Variants in FAT3 observed in about 807,000 individuals in gnomAD.
The protein encoded by FAT3 is FAT atypical cadherin 3.
A neutral mutation model predicts 310.2 loss-of-function variants in FAT3; 95 were observed. The ratio of observed to expected loss-of-function variants is 0.31; its 90% confidence interval spans 0.26 to 0.36. The LOEUF is 0.36. FAT3 is among the 10% of genes least tolerant of loss of function. FAT3 has a pLI of 1.00. For synonymous variants in FAT3, 2,314 were observed against 2,192.9 expected (o/e 1.06, Z -1.54); for missense variants, 5,408 against 5,715.6 (o/e 0.95, Z 1.74).
intron 2 of FAT3, among the ~76,000 whole-genome samples, chr11:92,465,165 A>G (rs1407055504): frequency 3.9e-5 from 6 of 152,188 alleles, no homozygotes; most frequent in South Asian, 4.1e-4. Flanking sequence ...TACTGTGGAC[A>G]GGAGAAAGGT....
At chr11:92,851,444 T>C (rs1948827067) in intron 19 of FAT3, among the ~76,000 whole-genome samples, 1 of 152,076 alleles carries the variant, frequency 6.6e-6, no homozygotes, top group African/African-American at 2.4e-5. Flanking sequence ...GACAAGTGAG[T>C]AGTTCAAGGC....
chr11:92,584,485 C>G (rs577629545), intron 3 of FAT3, among the ~76,000 whole-genome samples: 117 of 152,044 alleles, frequency 7.7e-4, no homozygotes, highest in Middle Eastern at 6.8e-3. Context: ...TTTTTCCCCC[C>G]CTTTTCATCT....
At position 92,806,373 on chromosome 11, in the gene FAT3, A is replaced by G. The variant is rs1947507040; in HGVS notation, c.9105A>G (p.Thr3035=). 2.0e-5 allele frequency: 32 copies of G among 1,599,698 alleles called. No homozygotes were observed. Among genetic ancestry groups the G allele is most frequent in the African/African-American group, 2.7e-5 (2 of 74,790 alleles). Residue 3035 remains threonine (T), a synonymous_variant, in exon 12 of 28, where the codon ACA becomes ACG. Transcript: ENST00000525166. ...NSPVCDQVAY[T]ALLPEDIPSN... ...TCACCTTTGTCCAGGTTGCATATACAGCATTACTTCCTGAAGACATTCCAT... is the reference window on the plus strand; with the variant it reads ...TCACCTTTGTCCAGGTTGCATATACGGCATTACTTCCTGAAGACATTCCAT...
chr11:92,435,655 C>T (rs149333208), intron 2 of FAT3, among the ~76,000 whole-genome samples: 101 of 151,462 alleles, frequency 6.7e-4, no homozygotes, highest in Non-Finnish European at 1.4e-3. Context: ...GACCTCTGCC[C>T]CTGGGTTCAA....
intron 1 of FAT3, among the ~76,000 whole-genome samples, chr11:92,294,079 G>T (rs952986256): frequency 2.6e-5 from 4 of 152,038 alleles, no homozygotes; most frequent in Non-Finnish European, 5.9e-5. Context: ...CAGTTCTGGA[G>T]GCTGGGAAAA....
chr11:92,545,651 A>G (rs1017995461), intron 3 of FAT3, among the ~76,000 whole-genome samples: 3 of 152,146 alleles, frequency 2.0e-5, no homozygotes, highest in Non-Finnish European at 4.4e-5. Context: ...TTTAAACATG[A>G]TAGGTGTTGG....
rs752134937 is a variant in FAT3, at chr11:92,883,317, C to T, written c.12861C>T (p.Pro4287=). The T allele has an allele frequency of 1.9e-6, 3 of 1,611,550 alleles. No homozygotes were observed. The South Asian group carries it at 3.3e-5, about 18-fold the overall frequency. The change falls in exon 24 of 28, where the codon CCC becomes CCT. Residue 4287 remains proline, a synonymous_variant. Transcript: ENST00000525166. This position sits in a 1 kb window ranked among gnomAD's most constrained non-coding sequence, Gnocchi z 4.2. ...RRGVVVCSVA[P]NLPAVSPCRS... The stretch of plus-strand genomic sequence containing the variant: ...GCGTGGTCGTGTGCAGTGTGGCCCC[C>T]AACCTCCCCGCCGTGTCACCCTGCC...
intron 2 of FAT3, among the ~76,000 whole-genome samples, chr11:92,488,859 G>A (rs529949188): frequency 4.7e-4 from 71 of 152,254 alleles, no homozygotes; most frequent in Non-Finnish European, 8.4e-4. Flanking sequence ...CTTACTAGCT[G>A]TAAAATCATG....
intron 1 of FAT3, among the ~76,000 whole-genome samples, chr11:92,276,628 T>G (rs1946280189): frequency 6.6e-6 from 1 of 152,152 alleles, no homozygotes. Context: ...ATCTTCGGTC[T>G]GGGTGCCTCA....
chr11:92,874,450 T>G (rs1949476462), intron 22 of FAT3, among the ~76,000 whole-genome samples: 1 of 152,228 alleles, frequency 6.6e-6, no homozygotes, highest in Admixed American at 6.5e-5. Flanking sequence ...CCCTAGAAAC[T>G]AATGAGCTTG....
chr11:92,506,561 C>T (rs1327292660), intron 2 of FAT3, among the ~76,000 whole-genome samples: 2 of 152,110 alleles, frequency 1.3e-5, no homozygotes, highest in African/African-American at 4.8e-5. Flanking sequence ...AATATAAGGT[C>T]AGAATATTTT....
intron 1 of FAT3, among the ~76,000 whole-genome samples, chr11:92,324,428 TGCCATGTGTCAGGGAATAGGGAG>T (rs960504600): frequency 2.6e-5 from 4 of 152,174 alleles, no homozygotes; most frequent in African/African-American, 9.7e-5. Context: ...ATTTCAATAT[TGCCATGTGTCAGGGAATAGGGAG>T]GCCCGAGGAG....
intron 3 of FAT3, among the ~76,000 whole-genome samples, chr11:92,688,302 A>T (rs1943694454): frequency 6.6e-6 from 1 of 152,182 alleles, no homozygotes; most frequent in African/African-American, 2.4e-5. Context: ...TGTGGAATTC[A>T]GATGATGACA....
intron 1 of FAT3, among the ~76,000 whole-genome samples, chr11:92,343,218 C>T (rs1036083476): frequency 2.0e-5 from 3 of 152,114 alleles, no homozygotes; most frequent in Admixed American, 6.5e-5. Flanking sequence ...ATTTGCACCA[C>T]TGGAAAAAGC....
At chr11:92,748,267 T>A (rs754984847) in intron 4 of FAT3, among the ~76,000 whole-genome samples, 7 of 152,022 alleles carry the variant, frequency 4.6e-5, no homozygotes, top group Non-Finnish European at 1.0e-4. Context: ...AACCATCAGA[T>A]CCCATAAGAC....
At chr11:92,398,442 A>C (rs985031422) in intron 2 of FAT3, among the ~76,000 whole-genome samples, 2 of 146,582 alleles carry the variant, frequency 1.4e-5, no homozygotes, top group African/African-American at 2.5e-5. Context: ...CGGAGGTTGC[A>C]GTGAGCTGGG....
intron 3 of FAT3, among the ~76,000 whole-genome samples, chr11:92,536,546 G>T (rs1005976179): frequency 7.9e-5 from 12 of 152,126 alleles, no homozygotes; most frequent in Non-Finnish European, 1.3e-4. Context: ...GATATGTAAA[G>T]TATTTTAAAG....
At chr11:92,665,734 C>T (rs1220493266) in intron 3 of FAT3, among the ~76,000 whole-genome samples, 2 of 152,092 alleles carry the variant, frequency 1.3e-5, no homozygotes, top group South Asian at 2.1e-4. Context: ...TAGAGTCCTC[C>T]CCTCCTCTCT....
chr11:92,436,098 T>G (rs1950933250), intron 2 of FAT3, among the ~76,000 whole-genome samples: 1 of 152,090 alleles, frequency 6.6e-6, no homozygotes, highest in African/African-American at 2.4e-5. Context: ...AGGTTGTTTT[T>G]TATTTTCTTG....
Sources: allele counts gnomAD v4.1 joint callset (sites outside exome capture counted in the v4.1 genomes callset), GRCh38; gene constraint gnomAD v4.1.1; non-coding constraint Gnocchi (gnomAD v3.1); transcripts MANE v1.5; gene names NCBI Gene and HGNC (gene_info 2026-07-23, HGNC 2026-07-21).